Variants in C1QTNF3 observed in about 807,000 individuals in gnomAD.
The protein encoded by C1QTNF3 is complement C1q tumor necrosis factor-related protein 3.
C1QTNF3 carries 26 observed loss-of-function variants against 32.6 expected under a neutral mutation model. That is an observed-to-expected ratio of 0.80 (90% confidence interval 0.58 to 1.11). The LOEUF is 1.11. Ranked by LOEUF, C1QTNF3 falls within the 50% of genes least tolerant of loss-of-function variation. C1QTNF3 has a pLI of 0.00. For missense variants in C1QTNF3, 362 were observed against 398.2 expected (o/e 0.91, Z 0.77); for synonymous variants, 155 against 146.0 (o/e 1.06, Z -0.44).
At chr5:34,212,404 G>A in the C1QTNF3 span, among the ~76,000 whole-genome samples, 1 of 151,988 alleles carries the variant, frequency 6.6e-6, no homozygotes, top group African/African-American at 2.4e-5. Context: ...ATTGACAAAT[G>A]GGATCTCATT....
At chr5:34,214,753 C>T in the C1QTNF3 span, among the ~76,000 whole-genome samples, 11 of 152,202 alleles carry the variant, frequency 7.2e-5, no homozygotes, top group East Asian at 1.9e-3. Flanking sequence ...GCATCTCTAA[C>T]GTAAAAAGAC....
chr5:34,035,508 C>A, intron 2 of C1QTNF3, 139 bp downstream of exon 2: 2 of 695,478 alleles, frequency 2.9e-6, no homozygotes, highest in South Asian at 3.3e-5. Flanking sequence ...AGCCTATGAA[C>A]CTGGTATTCC....
the C1QTNF3 span, among the ~76,000 whole-genome samples, chr5:34,110,792 T>C: frequency 6.6e-6 from 1 of 151,990 alleles, no homozygotes; most frequent in African/African-American, 2.4e-5. Flanking sequence ...CCTCACCACA[T>C]CTGCATGAAT....
At chr5:34,243,993 T>C in the C1QTNF3 span, among the ~76,000 whole-genome samples, 1 of 152,328 alleles carries the variant, frequency 6.6e-6, no homozygotes, top group African/African-American at 2.4e-5. Context: ...TTTGATGGAC[T>C]GGATTAGAAT....
the C1QTNF3 span, among the ~76,000 whole-genome samples, chr5:34,123,828 C>A: frequency 0.53 from 80,459 of 151,964 alleles, 22,622 homozygotes; most frequent in Non-Finnish European, 0.62. Flanking sequence ...AAGCTTCAAA[C>A]AATAGGTGTT....
the C1QTNF3 span, among the ~76,000 whole-genome samples, chr5:34,201,615 C>T: frequency 5.6e-4 from 85 of 152,158 alleles, 1 homozygote; most frequent in African/African-American, 1.5e-3. Flanking sequence ...GCTAAAATTG[C>T]GCAAAAATTG....
the C1QTNF3 span, chr5:34,168,308 T>TGA: frequency 6.6e-6 from 1 of 151,904 alleles, no homozygotes; most frequent in African/African-American, 2.4e-5. Flanking sequence ...TGTGTGTGTG[T>TGA]GTGTATTAAT....
At chr5:34,130,123 TTATA>T in the C1QTNF3 span, among the ~76,000 whole-genome samples, 12 of 148,356 alleles carry the variant, frequency 8.1e-5, no homozygotes, top group Admixed American at 8.0e-4. Flanking sequence ...GATCACTATT[TTATA>T]TATATACACA....
chr5:34,168,265 ATATG>A, the C1QTNF3 span: 1 of 144,726 alleles, frequency 6.9e-6, no homozygotes, highest in Non-Finnish European at 1.5e-5. Flanking sequence ...AAATATATAC[ATATG>A]TGTGTGTGTG....
Position 34,027,189 on chromosome 5 carries a change from A to T in C1QTNF3, c.700+1565T>A, listed in dbSNP as rs77567344. Among the ~76,000 whole-genome samples the T allele has an allele frequency of 4.9e-3, 751 of 152,274 alleles. 3 individuals are homozygous for T. Among genetic ancestry groups the T allele is most frequent in the African/African-American group, 7.9e-3 (327 of 41,560 alleles). On this transcript the variant is annotated intron_variant, in intron 4 of 5. Transcript: ENST00000382065. ...CAAAGTAAAAAGTTTGTAAAGTGGG[A>T]TTTTCTATTTATCAACTATCCAGAA...
intron 1 of C1QTNF3, among the ~76,000 whole-genome samples, chr5:34,037,318 A>G (rs1230090600): frequency 2.6e-5 from 4 of 152,238 alleles, no homozygotes; most frequent in Non-Finnish European, 5.9e-5. Context: ...GAGAAAAAGG[A>G]GGCCAGGGAA....
chr5:34,056,488 AGAGAGAG>A, the C1QTNF3 span, among the ~76,000 whole-genome samples: 1 of 49,476 alleles, frequency 2.0e-5, no homozygotes, highest in African/African-American at 6.9e-5. Context: ...ATAGAGAGAG[AGAGAGAG>A]AGAGAGAGAG....
the C1QTNF3 span, among the ~76,000 whole-genome samples, chr5:34,128,652 A>C: frequency 6.6e-6 from 1 of 152,176 alleles, no homozygotes; most frequent in Non-Finnish European, 1.5e-5. Context: ...TTTGAGACTT[A>C]ATGACTGTCC....
the C1QTNF3 span, among the ~76,000 whole-genome samples, chr5:34,242,379 T>C: frequency 6.6e-6 from 1 of 152,148 alleles, no homozygotes; most frequent in Non-Finnish European, 1.5e-5. Flanking sequence ...ATCTGGATCG[T>C]GGACAAGGCC....
the C1QTNF3 span, among the ~76,000 whole-genome samples, chr5:34,116,843 C>T: frequency 6.6e-6 from 1 of 152,206 alleles, no homozygotes; most frequent in African/African-American, 2.4e-5. Context: ...GATCTGCCTG[C>T]CTTCACCTCC....
the C1QTNF3 span, among the ~76,000 whole-genome samples, chr5:34,196,572 C>A: frequency 6.6e-6 from 1 of 152,298 alleles, no homozygotes; most frequent in Non-Finnish European, 1.5e-5. Flanking sequence ...TGTTTTATAT[C>A]TGTGCTATCC....
Position 34,018,665 on chromosome 5 carries a change from C to G in C1QTNF3, c.*1918G>C, listed in dbSNP as rs1754252701. On this transcript the variant is annotated 3_prime_UTR_variant, in exon 6 of 6. Coordinates refer to ENST00000382065, the MANE Select transcript of C1QTNF3 (RefSeq NM_181435.6). ...CTTCAGCTTTTATTCATGATACAAT[C>G]AATAAAATTCCTTCAATATAATCTC... Among the ~76,000 whole-genome samples, 1 of 152,140 alleles carries G rather than the reference C, an allele frequency of 6.6e-6. No individual in the cohort carries two copies. Among genetic ancestry groups the G allele is most frequent in the African/African-American group, 2.4e-5 (1 of 41,412 alleles).
the C1QTNF3 span, among the ~76,000 whole-genome samples, chr5:34,076,264 TG>T: frequency 1.3e-5 from 2 of 151,632 alleles, no homozygotes. Context: ...AATGATGAAA[TG>T]GTAAGTTTTA....
At chr5:34,109,698 T>C in the C1QTNF3 span, among the ~76,000 whole-genome samples, 844 of 152,332 alleles carry the variant, frequency 5.5e-3, 6 homozygotes, top group East Asian at 0.059. Context: ...CAGCCCAAAG[T>C]GATAGGGAAC....
Sources: allele counts gnomAD v4.1 joint callset (sites outside exome capture counted in the v4.1 genomes callset), GRCh38; gene constraint gnomAD v4.1.1; transcripts MANE v1.5; gene names NCBI Gene and HGNC (gene_info 2026-07-23, HGNC 2026-07-21).